Variants in PLEKHG7 observed in about 807,000 individuals in gnomAD.
PLEKHG7 encodes pleckstrin homology domain-containing family G member 7.
PLEKHG7 carries 77 observed loss-of-function variants against 85.2 expected under a neutral mutation model. The observed-to-expected ratio is 0.90, with a 90% CI of 0.75 to 1.09. PLEKHG7 has a LOEUF of 1.09. Ranked by LOEUF, PLEKHG7 falls within the 50% of genes least tolerant of loss-of-function variation. The pLI is 0.00. For missense variants in PLEKHG7, 777 were observed against 804.3 expected (o/e 0.97, Z 0.41); for synonymous variants, 301 against 302.4 (o/e 1.00, Z 0.05).
chr12:92,718,196 G>A (rs529323730), intron 3 of PLEKHG7, among the ~76,000 whole-genome samples: 9 of 152,198 alleles, frequency 5.9e-5, no homozygotes, highest in African/African-American at 2.2e-4. Flanking sequence ...TGTTGGACAG[G>A]ATTCAGAGAC....
At chr12:92,736,704 A>G in intron 6 of PLEKHG7, 127 bp downstream of exon 6, 2 of 494,646 alleles carry the variant, frequency 4.0e-6, no homozygotes. Context: ...GCAAAATGCA[A>G]GAGAGGAACC....
At chr12:92,721,518 C>T (rs756096881) in intron 3 of PLEKHG7, 34 of 1,228,072 alleles carry the variant, frequency 2.8e-5, no homozygotes, top group Non-Finnish European at 3.3e-5. Context: ...GGCAACGCAA[C>T]TCAGGGTTAG....
intron 14 of PLEKHG7, among the ~76,000 whole-genome samples, chr12:92,762,489 G>C (rs1321059097): frequency 6.6e-6 from 1 of 152,112 alleles, no homozygotes; most frequent in African/African-American, 2.4e-5. Flanking sequence ...CGTTACTTAA[G>C]TATTATTTGT....
At chr12:92,733,990 G>A (rs942510262) in intron 5 of PLEKHG7, among the ~76,000 whole-genome samples, 2 of 152,194 alleles carry the variant, frequency 1.3e-5, no homozygotes, top group Non-Finnish European at 2.9e-5. Context: ...CTATGTTGGA[G>A]GGAGGGAAGC....
At position 92,707,764 on chromosome 12, in the gene PLEKHG7, G is replaced by A. The variant is rs140865046; in HGVS notation, c.530+92G>A. 166 of 1,594,774 alleles carry A rather than the reference G, an allele frequency of 1.0e-4. No homozygotes were observed. The African/African-American group carries it at 1.2e-3, about 12-fold the overall frequency. ...TCTGTCCTGACATAACAAAGCTGAC[G>A]GTGTGTTAACCAGTGCACTTTGTTT... On this transcript the variant is annotated intron_variant, in intron 3 of 16. Coordinates refer to ENST00000344636, the MANE Select transcript of PLEKHG7 (RefSeq NM_001377329.1).
intron 10 of PLEKHG7, among the ~76,000 whole-genome samples, chr12:92,750,831 G>A (rs1233501620): frequency 6.6e-6 from 1 of 152,162 alleles, no homozygotes; most frequent in Non-Finnish European, 1.5e-5. Flanking sequence ...AGGAGACCTT[G>A]GAGATCATCT....
intron 3 of PLEKHG7, among the ~76,000 whole-genome samples, chr12:92,719,956 C>T (rs1871590362): frequency 6.6e-6 from 1 of 152,186 alleles, no homozygotes; most frequent in East Asian, 1.9e-4. Context: ...CACTTGCTTT[C>T]CACATAAGGA....
intron 13 of PLEKHG7, among the ~76,000 whole-genome samples, chr12:92,760,293 A>G (rs1374663256): frequency 6.6e-6 from 1 of 152,198 alleles, no homozygotes; most frequent in Non-Finnish European, 1.5e-5. Context: ...AGTCTTTGCC[A>G]CAACTTGATT....
intron 13 of PLEKHG7, among the ~76,000 whole-genome samples, chr12:92,758,595 T>C (rs1342269340): frequency 3.3e-5 from 5 of 152,232 alleles, no homozygotes; most frequent in Admixed American, 3.3e-4. Context: ...GAAGCTCACC[T>C]AAGAAAGACT....
intron 13 of PLEKHG7, 32 bp downstream of exon 13, chr12:92,756,423 A>C: frequency 6.7e-7 from 1 of 1,499,076 alleles, no homozygotes; most frequent in Non-Finnish European, 9.3e-7. Context: ...AAAACCCAAC[A>C]TCTGTGCCGC....
chr12:92,762,456 A>G (rs1446111338), intron 14 of PLEKHG7, among the ~76,000 whole-genome samples: 1 of 152,168 alleles, frequency 6.6e-6, no homozygotes, highest in Non-Finnish European at 1.5e-5. Flanking sequence ...CAAAATCTCT[A>G]TAGGGAATAG....
chr12:92,756,191 C>G, intron 12 of PLEKHG7, 107 bp from the exon 13 acceptor site: 1 of 838,056 alleles, frequency 1.2e-6, no homozygotes, highest in Non-Finnish European at 1.9e-6. Flanking sequence ...GCTGGCATTT[C>G]CAAATGTCAT....
intron 3 of PLEKHG7, among the ~76,000 whole-genome samples, chr12:92,714,681 C>T (rs945970450): frequency 6.6e-6 from 1 of 152,150 alleles, no homozygotes; most frequent in Non-Finnish European, 1.5e-5. Flanking sequence ...CTTAGGAGCA[C>T]CCAACCAGCT....
chr12:92,747,258 T>C (rs940060168), intron 10 of PLEKHG7, among the ~76,000 whole-genome samples: 1 of 13,470 alleles, frequency 7.4e-5, no homozygotes. Context: ...AACAGGTATA[T>C]GAAAAAAAAA....
Position 92,708,165 on chromosome 12 carries a change from C to T in PLEKHG7, c.530+493C>T, listed in dbSNP as rs138664292. ...CAAAACCAGCTCTGAACTTTCAGCACGGCCCCCTGGTTGTAGCAATGGATC... is the reference window on the plus strand; with the variant it reads ...CAAAACCAGCTCTGAACTTTCAGCATGGCCCCCTGGTTGTAGCAATGGATC... On this transcript the variant is annotated intron_variant, in intron 3 of 16. Transcript: ENST00000344636. 2.3e-3 allele frequency: 349 copies of T among 153,866 alleles called. 2 individuals carry two copies. Among genetic ancestry groups the T allele is most frequent in the Non-Finnish European group, 2.8e-3 (192 of 69,124 alleles). 9.5% of individuals were successfully genotyped at this position (153,866 alleles called of 1,614,324 possible).
intron 7 of PLEKHG7, among the ~76,000 whole-genome samples, chr12:92,739,378 T>A (rs1872279050): frequency 6.6e-6 from 1 of 151,974 alleles, no homozygotes; most frequent in African/African-American, 2.4e-5. Context: ...TGGGGAAGAG[T>A]AGACACTGAG....
rs1555193786 is a variant in PLEKHG7 at position 92,707,141 on chromosome 12, A to T, written c.507+3A>T. On this transcript the variant is annotated splice_donor_region_variant and intron_variant, in intron 2 of 16. Coordinates refer to ENST00000344636, the MANE Select transcript of PLEKHG7 (RefSeq NM_001377329.1). ...CCCTACGACACCCTAGTCCTCAGGT[A>T]ACACAGCTCTAAGCCTCCGGCCTCT... 1.2e-6 allele frequency: 2 copies of T among 1,610,346 alleles called. No individual in the cohort carries two copies. Among genetic ancestry groups the T allele is most frequent in the African/African-American group, 1.3e-5 (1 of 74,824 alleles).
chr12:92,716,409 C>T lies in PLEKHG7; in HGVS notation c.530+8737C>T, dbSNP rs1477305018. Among the ~76,000 whole-genome samples the T allele has an allele frequency of 2.0e-5, 3 of 152,140 alleles. No homozygotes were observed. The East Asian group carries it at 5.8e-4, about 29-fold the overall frequency. ...GTGTTTTAACCTGTAATATATGTAACCTGACAATGTGTAAGTGAGAAGTGC... is the reference window on the plus strand; with the variant it reads ...GTGTTTTAACCTGTAATATATGTAATCTGACAATGTGTAAGTGAGAAGTGC... On this transcript the variant is annotated intron_variant, in intron 3 of 16. Transcript: ENST00000344636.
chr12:92,755,267 A>G (rs1278382754), intron 11 of PLEKHG7, among the ~76,000 whole-genome samples: 1 of 152,208 alleles, frequency 6.6e-6, no homozygotes, highest in Admixed American at 6.5e-5. Flanking sequence ...GGTTCCACTA[A>G]CAATGTGATT....
Sources: allele counts gnomAD v4.1 joint callset (sites outside exome capture counted in the v4.1 genomes callset), GRCh38; gene constraint gnomAD v4.1.1; transcripts MANE v1.5; gene names NCBI Gene and HGNC (gene_info 2026-07-23, HGNC 2026-07-21).